The following WWOX variants were observed in gnomAD, a reference collection of about 807,000 sequenced individuals.
The protein encoded by WWOX is WW domain containing oxidoreductase, also known as WW domain-containing oxidoreductase.
Under a neutral mutation model 46.2 loss-of-function variants are expected in WWOX, and 69 were observed. The observed-to-expected ratio is 1.49, with a 90% CI of 1.23 to 1.82. The LOEUF is 1.82. WWOX is among the 40% of genes most tolerant of loss of function. The probability of loss-of-function intolerance (pLI) is 0.00; values close to 1 mark genes in which losing one functional copy is unlikely to be tolerated. For synonymous variants in WWOX, 359 were observed against 202.6 expected, an observed-to-expected ratio of 1.77 and a Z score of -6.56; for missense variants, 919 against 542.6, an observed-to-expected ratio of 1.69 and a Z score of -6.89.
rs2083038952 is a variant in WWOX at position 78,424,906 on chromosome 16, T to G, written c.642T>G (p.Phe214Leu). The G allele has an allele frequency of 2.5e-6, 4 of 1,614,196 alleles. No individual in the cohort carries two copies. The highest frequency in any genetic ancestry group is 3.4e-6 in the Non-Finnish European group (4 of 1,180,048). The change falls in exon 7 of 9, where the codon TTT (phenylalanine) becomes TTG (leucine). Residue 214 changes from phenylalanine to leucine, a missense_variant. By Grantham distance (22) the Phe-to-Leu change is conservative. Coordinates refer to ENST00000566780, the MANE Select transcript of WWOX (RefSeq NM_016373.4). ...TGCTTGTGTGCAACGCAGCAACTTTTGCTCTACCCTGGAGTCTCACCAAAG... is the reference window on the plus strand; with the variant it reads ...TGCTTGTGTGCAACGCAGCAACTTTGGCTCTACCCTGGAGTCTCACCAAAG... Reference protein sequence around the residue: ...LHVLVCNAATFALPWSLTKDG... With the variant: ...LHVLVCNAATLALPWSLTKDG...
At chr16:78,578,445 A>G (rs937272372) in intron 8 of WWOX, among the ~76,000 whole-genome samples, 1 of 150,358 alleles carries the variant, frequency 6.7e-6, no homozygotes, top group African/African-American at 2.4e-5. Flanking sequence ...GCCCACCACC[A>G]TGCCTGGCTA....
chr16:78,329,891 C>T (rs901615734), intron 5 of WWOX, among the ~76,000 whole-genome samples: 1 of 151,890 alleles, frequency 6.6e-6, no homozygotes, highest in African/African-American at 2.4e-5. Flanking sequence ...GGACTACAGG[C>T]GTGTACCACC....
At chr16:78,671,726 C>G (rs1373993565) in intron 8 of WWOX, among the ~76,000 whole-genome samples, 1 of 152,030 alleles carries the variant, frequency 6.6e-6, no homozygotes, top group Non-Finnish European at 1.5e-5. Flanking sequence ...AAATAGCTAC[C>G]CTTACTATTT....
At chr16:78,958,730 A>G (rs775984417) in intron 8 of WWOX, among the ~76,000 whole-genome samples, 1 of 152,208 alleles carries the variant, frequency 6.6e-6, no homozygotes, top group Non-Finnish European at 1.5e-5. Context: ...ACCAGGATGC[A>G]ATTAGTTTGA....
intron 8 of WWOX, among the ~76,000 whole-genome samples, chr16:78,721,633 G>T (rs144297188): frequency 2.0e-5 from 3 of 152,182 alleles, no homozygotes; most frequent in Non-Finnish European, 2.9e-5. Context: ...TTTGAAATTT[G>T]ATTCCTCCGT....
At chr16:78,957,165 C>G (rs1330029383) in intron 8 of WWOX, among the ~76,000 whole-genome samples, 2 of 152,320 alleles carry the variant, frequency 1.3e-5, no homozygotes, top group Admixed American at 6.5e-5. Context: ...TCTGAGGTAT[C>G]TGCCCTTAAA....
chr16:78,654,246 A>G (rs1177458182), intron 8 of WWOX, among the ~76,000 whole-genome samples: 5 of 152,152 alleles, frequency 3.3e-5, no homozygotes, highest in Non-Finnish European at 7.4e-5. Flanking sequence ...TGGTTTTCAG[A>G]TTCTTTATTG....
At chr16:78,288,501 ATGCAGTGTTTTCCC>A (rs536143932) in intron 5 of WWOX, among the ~76,000 whole-genome samples, 222 of 152,280 alleles carry the variant, frequency 1.5e-3, no homozygotes, top group African/African-American at 5.2e-3. Flanking sequence ...CTTCTTCCCA[ATGCAGTGTTTTCCC>A]TGCAAAGGAG....
intron 8 of WWOX, among the ~76,000 whole-genome samples, chr16:79,057,570 A>G (rs2048286078): frequency 9.4e-6 from 1 of 106,448 alleles, no homozygotes; most frequent in Non-Finnish European, 1.9e-5. Context: ...TTGCCTTCAG[A>G]GAGTTGGTGA....
intron 8 of WWOX, among the ~76,000 whole-genome samples, chr16:78,854,225 A>C (rs368227962): frequency 6.6e-6 from 1 of 152,226 alleles, no homozygotes; most frequent in East Asian, 1.9e-4. Flanking sequence ...GCTTATAATG[A>C]GCTTGTATTA....
At chr16:78,625,280 C>G (rs982550911) in intron 8 of WWOX, among the ~76,000 whole-genome samples, 1 of 152,166 alleles carries the variant, frequency 6.6e-6, no homozygotes, top group East Asian at 1.9e-4. Context: ...TCTGTGGTTC[C>G]CCTGACTGAG....
chr16:78,681,519 C>T (rs982402040), intron 8 of WWOX, among the ~76,000 whole-genome samples: 75 of 148,964 alleles, frequency 5.0e-4, no homozygotes, highest in African/African-American at 1.9e-3. Flanking sequence ...AAACAGGGCT[C>T]GTGCCACCCA....
chr16:78,401,358 G>C (rs1243747267), intron 6 of WWOX, among the ~76,000 whole-genome samples: 1 of 152,162 alleles, frequency 6.6e-6, no homozygotes, highest in Admixed American at 6.5e-5. Context: ...CTAAAATTCA[G>C]ATATTGAGAA....
chr16:78,434,492 A>G (rs55768770), intron 8 of WWOX, among the ~76,000 whole-genome samples: 6,681 of 152,298 alleles, frequency 0.044, 197 homozygotes, highest in South Asian at 0.15. Context: ...TGCCAGTGCC[A>G]TTTAAATGAG....
chr16:78,579,616 CAAG>C (rs2044997028), intron 8 of WWOX, among the ~76,000 whole-genome samples: 1 of 152,110 alleles, frequency 6.6e-6, no homozygotes, highest in African/African-American at 2.4e-5. Context: ...TCCTGTACTT[CAAG>C]GTTTTGGAGT....
At chr16:78,126,031 A>G (rs938135565) in intron 4 of WWOX, among the ~76,000 whole-genome samples, 6 of 152,196 alleles carry the variant, frequency 3.9e-5, no homozygotes, top group Non-Finnish European at 8.8e-5. Context: ...GATTGTAAGC[A>G]TGTTTTCCCT....
chr16:78,619,791 C>T (rs1204926182), intron 8 of WWOX, among the ~76,000 whole-genome samples: 1 of 151,876 alleles, frequency 6.6e-6, no homozygotes, highest in African/African-American at 2.4e-5. Context: ...TGTCTGTGGT[C>T]CCAGCTACTC....
chr16:79,070,346 T>G (rs1175321398), intron 8 of WWOX, among the ~76,000 whole-genome samples: 1 of 151,520 alleles, frequency 6.6e-6, no homozygotes, highest in Non-Finnish European at 1.5e-5. Flanking sequence ...AAGCTGAGAT[T>G]ACTGTTGAGA....
intron 5 of WWOX, among the ~76,000 whole-genome samples, chr16:78,183,863 G>T (rs1017368427): frequency 3.3e-5 from 5 of 152,168 alleles, no homozygotes. Flanking sequence ...TGCAGTGTTG[G>T]ATTTTGTAGG....
Sources: gnomAD v4.1 joint callset for allele counts (sites outside exome capture counted in the v4.1 genomes callset) on GRCh38, gnomAD v4.1.1 for gene constraint, MANE v1.5 for transcripts, NCBI Gene and HGNC (gene_info 2026-07-23, HGNC 2026-07-21) for gene names.